Variants in OGFOD1 observed in about 807,000 individuals in gnomAD.
OGFOD1 encodes prolyl 3-hydroxylase OGFOD1.
In OGFOD1, 54 loss-of-function variants were observed where a neutral mutation model predicts 67.7. The observed-to-expected ratio is 0.80, with a 90% confidence interval of 0.64 to 1.00. OGFOD1 has a LOEUF of 1.00. Ranked by LOEUF, OGFOD1 falls within the 50% of genes least tolerant of loss-of-function variation. The pLI, the probability that OGFOD1 is intolerant of heterozygous loss-of-function variation, is 0.00. For missense variants in OGFOD1, 606 were observed against 646.7 expected, an observed-to-expected ratio of 0.94 and a Z score of 0.68; for synonymous variants, 221 against 227.0, an observed-to-expected ratio of 0.97 and a Z score of 0.24.
chr16:56,465,027 TCTCA>T (rs1191154048), intron 4 of OGFOD1, among the ~76,000 whole-genome samples: 1 of 151,594 alleles, frequency 6.6e-6, no homozygotes, highest in Non-Finnish European at 1.5e-5. Context: ...TTAGACTGTC[TCTCA>T]CTCTGTTGCC....
rs967878390 is a variant in OGFOD1 at position 56,451,592 on chromosome 16, G to A, written c.-21G>A. The stretch of plus-strand genomic sequence containing the variant: ...GGTAGCGTCTTGATCTGCGTGGCGT[G>A]GTTCTGTGCCTTGGGAAGAGATGAA... On this transcript the variant is annotated 5_prime_UTR_variant, in exon 1 of 13. Transcript: ENST00000566157. 1 of 1,612,518 alleles carries A rather than the reference G, an allele frequency of 6.2e-7. No homozygotes were observed. The highest frequency in any genetic ancestry group is 8.5e-7 in the Non-Finnish European group (1 of 1,179,810).
In OGFOD1 at chr16:56,470,748, T is replaced by A; in HGVS notation, c.1242T>A (p.Asn414Lys). The change falls in exon 10 of 13, where the codon AAT becomes AAA. Residue 414 changes from asparagine (N) to lysine (K), a missense_variant. Physicochemically the swap from Asn to Lys is moderately conservative, Grantham distance 94. Transcript: ENST00000566157. ...MAISNNSQQSNEQTDPEPEEN... is the reference protein window; with the variant it reads ...MAISNNSQQSKEQTDPEPEEN... ...TCAGCAACAACAGCCAACAGAGCAATGAGCAGACAGACCCAGAGCCAGAGG... is the reference window on the plus strand; with the variant it reads ...TCAGCAACAACAGCCAACAGAGCAAAGAGCAGACAGACCCAGAGCCAGAGG... 3.7e-6 allele frequency: 6 copies of A among 1,612,506 alleles called. No homozygotes were observed. The South Asian group carries it at 6.6e-5, about 18-fold the overall frequency.
intron 2 of OGFOD1, 97 bp downstream of exon 2, chr16:56,453,505 T>G (rs1379458655): frequency 2.4e-6 from 3 of 1,251,428 alleles, no homozygotes; most frequent in Non-Finnish European, 2.2e-6. Context: ...AGGGTGGGTT[T>G]GCCTTGAACA....
intron 3 of OGFOD1, 88 bp from the exon 4 acceptor site, chr16:56,462,446 G>C (rs559958196): frequency 1.3e-6 from 1 of 750,888 alleles, no homozygotes; most frequent in Non-Finnish European, 2.4e-6. Flanking sequence ...TGATCTCCAG[G>C]AAAGAAAAGT....
intron 2 of OGFOD1, among the ~76,000 whole-genome samples, chr16:56,457,742 G>A (rs929138701): frequency 2.0e-5 from 3 of 151,748 alleles, no homozygotes; most frequent in East Asian, 1.9e-4. Flanking sequence ...GTGCAATGGC[G>A]AGATCTCAGC....
intron 2 of OGFOD1, chr16:56,453,696 T>G (rs1962417684): frequency 4.7e-6 from 1 of 211,912 alleles, no homozygotes; most frequent in South Asian, 1.3e-4. Context: ...TTTCTTCATC[T>G]GCAGGATGGA....
intron 3 of OGFOD1, 182 bp downstream of exon 3, chr16:56,458,776 C>T: frequency 1.7e-6 from 1 of 574,218 alleles, no homozygotes; most frequent in Non-Finnish European, 3.1e-6. Context: ...AGCTAGCATA[C>T]AAACCTAAGT....
At chr16:56,458,405 C>T in intron 2 of OGFOD1, 143 bp from the exon 3 acceptor site, 1 of 719,926 alleles carries the variant, frequency 1.4e-6, no homozygotes, top group Non-Finnish European at 2.5e-6. Flanking sequence ...ATGGAGGGGC[C>T]CTGTGTTAAA....
intron 4 of OGFOD1, 47 bp from the exon 5 acceptor site, chr16:56,466,105 C>T: frequency 7.4e-7 from 1 of 1,345,676 alleles, no homozygotes. Flanking sequence ...CAGGTGTCAG[C>T]TGGTCACTAT....
chr16:56,458,660 G>A lies in OGFOD1; in HGVS notation c.347+66G>A, dbSNP rs956052438. 5 of 1,279,558 alleles carry A rather than the reference G, an allele frequency of 3.9e-6. No homozygotes were observed. The African/African-American group carries it at 7.3e-5, about 19-fold the overall frequency. The allele number at this position is 1,279,558 out of a possible 1,614,324, so 79.3% of individuals were successfully genotyped here. A position where few individuals can be genotyped will look rare whatever the true frequency, so the allele number is the denominator to read the frequency against. On this transcript the variant is annotated intron_variant, in intron 3 of 12. Transcript: ENST00000566157. ...AGGCAGAGTAGTAAGTGCTTTAAAT[G>A]TTACAACATTGTGTATGTCATATAA...
chr16:56,462,471 A>T lies in OGFOD1; in HGVS notation c.348-63A>T, dbSNP rs1306404447. 4.0e-6 allele frequency: 4 copies of T among 1,007,282 alleles called. No homozygotes were observed. In the African/African-American group the frequency reaches 4.7e-5, roughly 12 times the overall value. The allele number at this position is 1,007,282 out of a possible 1,614,324, so 62.4% of individuals were successfully genotyped here. ...GAAAGAAAAGTTGTGGCCTAGATCC[A>T]AACAGTTGTGACCTAGATCCCACAC... On this transcript the variant is annotated intron_variant, in intron 3 of 12. Coordinates refer to ENST00000566157, the MANE Select transcript of OGFOD1 (RefSeq NM_018233.4).
At chr16:56,451,539 A>T (rs1433389859), upstream of OGFOD1, 6 of 1,517,798 alleles carry the variant, frequency 4.0e-6, no homozygotes, top group Non-Finnish European at 4.5e-6. Context: ...TAAAGGGGAC[A>T]TGCCGGGAGT....
Position 56,466,222 on chromosome 16 carries a change from C to T in OGFOD1, c.519C>T (p.Pro173=). 1 of 1,614,096 alleles carries T rather than the reference C, an allele frequency of 6.2e-7. No individual in the cohort carries two copies. Among genetic ancestry groups the T allele is most frequent in the Non-Finnish European group, 8.5e-7 (1 of 1,179,976 alleles). The change falls in exon 5 of 13, where the codon CCC becomes CCT. Residue 173 remains proline, a synonymous_variant. Coordinates refer to ENST00000566157, the MANE Select transcript of OGFOD1 (RefSeq NM_018233.4). ...RIAFILYLVP[P]WDRSMGGTLD... ...CCTTCATCCTGTACCTGGTTCCTCC[C>T]TGGGACAGGAGCATGGGTGGTACCC...
At chr16:56,454,065 G>A (rs866912989) in intron 2 of OGFOD1, among the ~76,000 whole-genome samples, 13 of 152,216 alleles carry the variant, frequency 8.5e-5, no homozygotes, top group Middle Eastern at 3.4e-3. Context: ...TCTTGAGTTC[G>A]GGCCAGGTGT....
chr16:56,470,944 G>A (rs1963142567), intron 10 of OGFOD1, among the ~76,000 whole-genome samples, 153 bp downstream of exon 10: 1 of 152,130 alleles, frequency 6.6e-6, no homozygotes, highest in Non-Finnish European at 1.5e-5. Context: ...TGGTCTTTGG[G>A]AGCTTACATT....
intron 2 of OGFOD1, among the ~76,000 whole-genome samples, chr16:56,457,368 T>G (rs1276011280): frequency 3.3e-5 from 5 of 152,170 alleles, no homozygotes; most frequent in African/African-American, 9.7e-5. Flanking sequence ...AATAGGCAAG[T>G]GGTTGCGAGG....
At chr16:56,460,870 G>C (rs1405401911) in intron 3 of OGFOD1, among the ~76,000 whole-genome samples, 1 of 152,174 alleles carries the variant, frequency 6.6e-6, no homozygotes, top group East Asian at 1.9e-4. Context: ...ATTCCTCAAG[G>C]TTAGTAATAA....
intron 2 of OGFOD1, among the ~76,000 whole-genome samples, chr16:56,456,983 C>T (rs1411694803): frequency 6.6e-6 from 1 of 152,246 alleles, no homozygotes; most frequent in African/African-American, 2.4e-5. Flanking sequence ...CTATCTGTGT[C>T]TCCCCGGGAT....
At chr16:56,472,662 A>G (rs1435027463) in intron 10 of OGFOD1, among the ~76,000 whole-genome samples, 1 of 152,212 alleles carries the variant, frequency 6.6e-6, no homozygotes, top group Non-Finnish European at 1.5e-5. Context: ...ATAATAATCT[A>G]CAAGTGGCCA....
Sources: gnomAD v4.1 joint callset for allele counts (sites outside exome capture counted in the v4.1 genomes callset) on GRCh38, gnomAD v4.1.1 for gene constraint, MANE v1.5 for transcripts, NCBI Gene and HGNC (gene_info 2026-07-23, HGNC 2026-07-21) for gene names.